KHDRBS2: variants seen among roughly 807,000 people sequenced by gnomAD.
KHDRBS2 encodes KH domain-containing, RNA-binding, signal transduction-associated protein 2.
In KHDRBS2, 26 loss-of-function variants were observed where a neutral mutation model predicts 44.3. The observed-to-expected ratio is 0.59, with a 90% CI of 0.43 to 0.81. The LOEUF is 0.81. KHDRBS2 is among the 40% of genes least tolerant of loss of function. The probability of loss-of-function intolerance (pLI) is 0.00; values close to 1 mark genes in which losing one functional copy is unlikely to be tolerated. For missense variants in KHDRBS2, 476 were observed against 433.1 expected (o/e 1.10, Z -0.88); for synonymous variants, 194 against 151.1 (o/e 1.28, Z -2.08).
At chr6:61,982,058 C>G (rs1773950237) in intron 3 of KHDRBS2, among the ~76,000 whole-genome samples, 2 of 152,106 alleles carry the variant, frequency 1.3e-5, no homozygotes, top group South Asian at 4.1e-4. Flanking sequence ...TTTAACATAG[C>G]CATTTTAAGC....
chr6:62,129,964 A>C (rs73758678), intron 2 of KHDRBS2, among the ~76,000 whole-genome samples: 1,548 of 152,326 alleles, frequency 0.01, 32 homozygotes, highest in African/African-American at 0.035. Flanking sequence ...GTATATAATT[A>C]GTTGAAAGAA....
At chr6:62,013,677 C>G (rs1053064949) in intron 3 of KHDRBS2, among the ~76,000 whole-genome samples, 1 of 152,084 alleles carries the variant, frequency 6.6e-6, no homozygotes, top group African/African-American at 2.4e-5. Flanking sequence ...CTTTTGGAAA[C>G]GCTATGTTAG....
chr6:62,279,926 A>G (rs1181228901), intron 1 of KHDRBS2, among the ~76,000 whole-genome samples: 1 of 152,222 alleles, frequency 6.6e-6, no homozygotes. Context: ...AGGCACTGTG[A>G]AAAGTGCTGC....
chr6:61,709,902 A>C (rs1195095806), intron 7 of KHDRBS2, among the ~76,000 whole-genome samples: 1 of 151,650 alleles, frequency 6.6e-6, no homozygotes, highest in Admixed American at 6.6e-5. Context: ...TGTAAATATC[A>C]GTATAATCTC....
intron 4 of KHDRBS2, among the ~76,000 whole-genome samples, chr6:61,942,577 G>T (rs1812345721): frequency 6.6e-6 from 1 of 151,940 alleles, no homozygotes; most frequent in South Asian, 2.1e-4. Context: ...ATAACATATG[G>T]GACACCATGA....
At chr6:61,749,409 T>C (rs1471905499) in intron 6 of KHDRBS2, among the ~76,000 whole-genome samples, 2 of 152,184 alleles carry the variant, frequency 1.3e-5, no homozygotes, top group Non-Finnish European at 2.9e-5. Flanking sequence ...AAATAGCTGA[T>C]CAGAAATTTT....
At chr6:61,693,773 C>T (rs1767614495) in intron 8 of KHDRBS2, among the ~76,000 whole-genome samples, 1 of 152,082 alleles carries the variant, frequency 6.6e-6, no homozygotes, top group Admixed American at 6.6e-5. Flanking sequence ...TGCATTACTT[C>T]TCTCTAGACT....
At chr6:62,259,914 C>T (rs927176090) in intron 1 of KHDRBS2, among the ~76,000 whole-genome samples, 1 of 151,932 alleles carries the variant, frequency 6.6e-6, no homozygotes, top group African/African-American at 2.4e-5. Flanking sequence ...TTGTACAGTT[C>T]TATAAGTCTA....
At chr6:61,553,318 T>A in the KHDRBS2 span, among the ~76,000 whole-genome samples, 4 of 152,042 alleles carry the variant, frequency 2.6e-5, no homozygotes, top group African/African-American at 9.7e-5. Flanking sequence ...CTCTGAGAGT[T>A]TTTTTGTTGT....
chr6:61,772,569 T>C (rs1781125085), intron 6 of KHDRBS2, among the ~76,000 whole-genome samples: 1 of 152,098 alleles, frequency 6.6e-6, no homozygotes, highest in Admixed American at 6.6e-5. Flanking sequence ...CTAGAAGAAA[T>C]GGATAAATTC....
At chr6:62,240,623 T>C (rs1349932776) in intron 1 of KHDRBS2, among the ~76,000 whole-genome samples, 1 of 144,314 alleles carries the variant, frequency 6.9e-6, no homozygotes, top group African/African-American at 2.5e-5. Flanking sequence ...CATATACACA[T>C]ATGTACACAC....
chr6:61,921,331 T>C (rs1562445910), intron 4 of KHDRBS2, among the ~76,000 whole-genome samples: 1 of 151,992 alleles, frequency 6.6e-6, no homozygotes, highest in African/African-American at 2.4e-5. Flanking sequence ...TAAATTTCTC[T>C]TGCTATTCTA....
chr6:62,163,715 G>T (rs542221661), intron 2 of KHDRBS2, among the ~76,000 whole-genome samples: 7 of 152,040 alleles, frequency 4.6e-5, no homozygotes, highest in African/African-American at 1.4e-4. Flanking sequence ...GACAGACCCA[G>T]GTTCAAATGT....
intron 1 of KHDRBS2, among the ~76,000 whole-genome samples, chr6:62,265,299 A>G (rs1585507592): frequency 6.6e-6 from 1 of 152,032 alleles, no homozygotes; most frequent in East Asian, 1.9e-4. Flanking sequence ...TGTCTCCTGC[A>G]TGCCACCTTT....
intron 6 of KHDRBS2, among the ~76,000 whole-genome samples, chr6:61,844,606 GA>G (rs1056022540): frequency 6.6e-6 from 1 of 152,050 alleles, no homozygotes; most frequent in African/African-American, 2.4e-5. Context: ...ATAAAAGCAA[GA>G]ACTTTGTCTT....
At chr6:62,122,851 A>G (rs189927770) in intron 2 of KHDRBS2, among the ~76,000 whole-genome samples, 1 of 142,782 alleles carries the variant, frequency 7.0e-6, no homozygotes, top group Admixed American at 6.9e-5. Context: ...TTTTCTTTTA[A>G]AAAGGTTTTA....
chr6:61,813,805 T>C (rs1381662483), intron 6 of KHDRBS2: 3 of 398,324 alleles, frequency 7.5e-6, no homozygotes, highest in East Asian at 7.2e-5. Flanking sequence ...TAGATAGTGG[T>C]TAATTATAAC....
intron 6 of KHDRBS2, among the ~76,000 whole-genome samples, chr6:61,780,771 A>C (rs1284734848): frequency 6.7e-6 from 1 of 149,528 alleles, no homozygotes; most frequent in Non-Finnish European, 1.5e-5. Context: ...ATAGTAAACC[A>C]TTTATAATAA....
At chr6:61,656,120 T>C in the KHDRBS2 span, among the ~76,000 whole-genome samples, 2 of 152,088 alleles carry the variant, frequency 1.3e-5, no homozygotes, top group Non-Finnish European at 2.9e-5. Context: ...TGATGTGATT[T>C]CATTTAACGG....
Sources: allele counts gnomAD v4.1 joint callset (sites outside exome capture counted in the v4.1 genomes callset), GRCh38; gene constraint gnomAD v4.1.1; transcripts MANE v1.5; gene names NCBI Gene and HGNC (gene_info 2026-07-23, HGNC 2026-07-21).